The following CCDC32 variants were observed in gnomAD, a reference collection of about 807,000 sequenced individuals.
CCDC32 encodes the protein coiled-coil domain containing 32, also known as coiled-coil domain-containing protein 32.
CCDC32 carries 9 observed loss-of-function variants against 20.1 expected under a neutral mutation model. The ratio of observed to expected loss-of-function variants is 0.45; its 90% CI spans 0.27 to 0.78. The LOEUF (loss-of-function observed/expected upper bound fraction) is 0.78, where lower values mean the gene tolerates loss of function less well. Ranked by LOEUF, CCDC32 falls within the 30% of genes least tolerant of loss-of-function variation. The pLI, the probability that CCDC32 is intolerant of heterozygous loss-of-function variation, is 0.16. For missense variants in CCDC32, 204 were observed against 215.5 expected (o/e 0.95, Z 0.33); for synonymous variants, 63 against 79.0 (o/e 0.80, Z 1.07).
intron 3 of CCDC32, among the ~76,000 whole-genome samples, chr15:40,555,190 G>A (rs1425817786): frequency 6.6e-6 from 1 of 152,196 alleles, no homozygotes; most frequent in Non-Finnish European, 1.5e-5. Flanking sequence ...CTAAATGTCA[G>A]AGGGCAATGA....
chr15:40,530,530 C>CCT (rs3067991), downstream of CCDC32, among the ~76,000 whole-genome samples: 78 of 144,832 alleles, frequency 5.4e-4, no homozygotes, highest in Admixed American at 6.2e-4. Context: ...CCTGGCACCT[C>CCT]CTCTCTCTCT....
chr15:40,545,377 C>T (rs770560258), intron 3 of CCDC32, among the ~76,000 whole-genome samples: 2 of 152,188 alleles, frequency 1.3e-5, no homozygotes, highest in Non-Finnish European at 2.9e-5. Flanking sequence ...CCTTTGCCTC[C>T]TCCCTTTCTA....
intron 2 of CCDC32, among the ~76,000 whole-genome samples, chr15:40,558,346 A>G (rs974244358): frequency 5.9e-5 from 9 of 151,986 alleles, no homozygotes; most frequent in African/African-American, 1.9e-4. Flanking sequence ...TCACCCATGT[A>G]AAAAAAACCT....
At chr15:40,535,117 A>T, downstream of CCDC32, 1 of 940,506 alleles carries the variant, frequency 1.1e-6, no homozygotes, top group Non-Finnish European at 1.6e-6. Flanking sequence ...TCAGCAGGAG[A>T]ATCATTACAG....
chr15:40,557,058 T>G (rs1352187033), intron 3 of CCDC32, 158 bp downstream of exon 3: 2 of 732,290 alleles, frequency 2.7e-6, no homozygotes, highest in Non-Finnish European at 4.2e-6. Flanking sequence ...ACACAATGCT[T>G]TATCCTTAAC....
exon 4 of CCDC32, chr15:40,539,240 A>G: frequency 3.3e-6 from 5 of 1,535,432 alleles, no homozygotes; most frequent in Non-Finnish European, 4.4e-6. Flanking sequence ...GGCTGTTACC[A>G]TGACGACTGC....
chr15:40,562,953 T>A lies in CCDC32; in HGVS notation c.63A>T (p.Glu21Asp). Residue 21 changes from glutamate (E) to aspartate (D), a missense_variant, in exon 2 of 4, where the codon GAA becomes GAT. Glu to Asp is a conservative substitution (Grantham distance 45, BLOSUM62 2). Coordinates refer to ENST00000416810, the MANE Select transcript of CCDC32 (RefSeq NM_001080792.4). ...CAGGATTTGGCAGACAGGAACAAAT[T>A]TCAGCCCAGAGATCCTGGCCAGATC... is the stretch of plus-strand genomic sequence containing the variant. ...ATRSGQDLWA[E>D]ICSCLPNPEQ... The A allele has an allele frequency of 6.2e-7, 1 of 1,614,188 alleles. No individual in the cohort carries two copies. Among genetic ancestry groups the A allele is most frequent in the Non-Finnish European group, 8.5e-7 (1 of 1,180,032 alleles).
In CCDC32 at chr15:40,553,773, G is replaced by C; in HGVS notation, c.*198C>G. ...GAGACAGTCACACATGCCAGCCCCA[G>C]GTAAGTCCCTGGGGGCTTGCAGCTG... On this transcript the variant is annotated 3_prime_UTR_variant, in exon 4 of 4. Transcript: ENST00000416810. 3 of 1,380,318 alleles carry C rather than the reference G, an allele frequency of 2.2e-6. No individual in the cohort carries two copies. Among genetic ancestry groups the C allele is most frequent in the African/African-American group, 1.5e-5 (1 of 68,894 alleles). The allele number at this position is 1,380,318 out of a possible 1,614,324, so 85.5% of individuals were successfully genotyped here. A position where few individuals can be genotyped will look rare whatever the true frequency, so the allele number is the denominator to read the frequency against.
the CCDC32 span, among the ~76,000 whole-genome samples, chr15:40,523,502 C>A: frequency 8.4e-6 from 1 of 119,198 alleles, no homozygotes; most frequent in Admixed American, 9.2e-5. Flanking sequence ...GAAACTCCAT[C>A]TCAAAAAAAA....
At chr15:40,542,638 G>T (rs1595886567) in intron 3 of CCDC32, among the ~76,000 whole-genome samples, 3 of 152,226 alleles carry the variant, frequency 2.0e-5, no homozygotes, top group Non-Finnish European at 4.4e-5. Context: ...GGAGGCTGAG[G>T]CGGGAGGATC....
intron 3 of CCDC32, among the ~76,000 whole-genome samples, chr15:40,543,428 C>A (rs985712746): frequency 6.6e-6 from 1 of 151,982 alleles, no homozygotes; most frequent in African/African-American, 2.4e-5. Flanking sequence ...GATTCGTCAG[C>A]CTCTCTCTCT....
At chr15:40,530,671 G>A (rs566967141), downstream of CCDC32, among the ~76,000 whole-genome samples, 4 of 150,432 alleles carry the variant, frequency 2.7e-5, no homozygotes, top group South Asian at 4.3e-4. Context: ...CTGTAGAACC[G>A]TAAGCCAAAT....
chr15:40,525,228 C>T (rs560380590), downstream of CCDC32, among the ~76,000 whole-genome samples: 98 of 152,202 alleles, frequency 6.4e-4, 2 homozygotes, highest in South Asian at 0.018. Flanking sequence ...TGGGGTTTTA[C>T]CATCTTGGCC....
downstream of CCDC32, among the ~76,000 whole-genome samples, chr15:40,533,699 TAATA>T (rs1278235272): frequency 1.3e-5 from 2 of 152,070 alleles, no homozygotes; most frequent in Admixed American, 1.3e-4. Context: ...AGGATACACA[TAATA>T]AATAAGAAAA....
chr15:40,564,137 A>T (rs564181588), intron 1 of CCDC32, among the ~76,000 whole-genome samples: 1 of 152,272 alleles, frequency 6.6e-6, no homozygotes, highest in African/African-American at 2.4e-5. Flanking sequence ...TCTGTTTTCA[A>T]CAGAACACAG....
chr15:40,558,963 G>A (rs975629114), intron 2 of CCDC32, among the ~76,000 whole-genome samples: 1 of 151,732 alleles, frequency 6.6e-6, no homozygotes, highest in African/African-American at 2.4e-5. Flanking sequence ...ACCATCACAC[G>A]TGGCTAATTT....
chr15:40,539,880 A>C (rs865844029), intron 3 of CCDC32, among the ~76,000 whole-genome samples: 22 of 139,040 alleles, frequency 1.6e-4, no homozygotes, highest in African/African-American at 4.7e-4. Flanking sequence ...ACACACACAC[A>C]CCCCGCTCCT....
chr15:40,551,764 G>A (rs955597985), downstream of CCDC32, among the ~76,000 whole-genome samples: 5 of 138,940 alleles, frequency 3.6e-5, no homozygotes, highest in East Asian at 1.2e-3. Context: ...CTGAGACCGT[G>A]CCACTGCCCT....
chr15:40,551,989 C>CA (rs1889897741), downstream of CCDC32, among the ~76,000 whole-genome samples: 1 of 151,778 alleles, frequency 6.6e-6, no homozygotes, highest in Non-Finnish European at 1.5e-5. Flanking sequence ...CCTGTCTCTA[C>CA]AAAAATTTTT....
Sources: allele counts gnomAD v4.1 joint callset (sites outside exome capture counted in the v4.1 genomes callset), GRCh38; gene constraint gnomAD v4.1.1; transcripts MANE v1.5; gene names NCBI Gene and HGNC (gene_info 2026-07-23, HGNC 2026-07-21).